VPS26C: variants seen among roughly 807,000 people sequenced by gnomAD.
The protein encoded by VPS26C is vacuolar protein sorting-associated protein 26C.
In VPS26C, 19 loss-of-function variants were observed where a neutral mutation model predicts 30.6. That is an observed-to-expected ratio of 0.62 (90% CI 0.43 to 0.91). VPS26C has a LOEUF of 0.91. Among genes scored for constraint, VPS26C ranks in the 40% least tolerant of loss-of-function variants. The probability of loss-of-function intolerance (pLI) is 0.00; values close to 1 mark genes in which losing one functional copy is unlikely to be tolerated. For missense variants in VPS26C, 318 were observed against 385.1 expected, an observed-to-expected ratio of 0.83 and a Z score of 1.46; for synonymous variants, 132 against 151.5, an observed-to-expected ratio of 0.87 and a Z score of 0.95.
chr21:37,252,083 A>C (rs549465353), intron 1 of VPS26C, among the ~76,000 whole-genome samples: 88 of 152,296 alleles, frequency 5.8e-4, no homozygotes, highest in African/African-American at 2.0e-3. Flanking sequence ...ATTTGGTCTA[A>C]AGATCCGGTA....
intron 5 of VPS26C, chr21:37,231,375 A>C (rs1178274566): frequency 3.3e-5 from 5 of 152,280 alleles, no homozygotes; most frequent in African/African-American, 1.2e-4. Flanking sequence ...GCGCTTCCGA[A>C]GACAGGCTAC....
intron 1 of VPS26C, among the ~76,000 whole-genome samples, chr21:37,265,337 C>T (rs1443430300): frequency 6.6e-6 from 1 of 152,200 alleles, no homozygotes; most frequent in Non-Finnish European, 1.5e-5. Flanking sequence ...ACCCATGTAG[C>T]TTTTAACTTC....
At chr21:37,267,215 C>G in intron 1 of VPS26C, 23 bp downstream of exon 1, 25 of 528,620 alleles carry the variant, frequency 4.7e-5, no homozygotes, top group Non-Finnish European at 9.2e-5. Context: ...CCACCTCCAT[C>G]CCCACCCCCA....
rs976973151 is a variant in VPS26C at position 37,223,455 on chromosome 21, T to C, written c.*2089A>G. On this transcript the variant is annotated 3_prime_UTR_variant, in exon 8 of 8. Coordinates refer to ENST00000309117, the MANE Select transcript of VPS26C (RefSeq NM_006052.2). ...CATAAAATCAGTTTATTAAATTACA[T>C]AGCAATATACATCCCAAACCTTTTC... The C allele has an allele frequency of 1.3e-5, 2 of 152,276 alleles. No individual in the cohort carries two copies. The highest frequency in any genetic ancestry group is 2.9e-5 in the Non-Finnish European group (2 of 68,050). 9.4% of individuals were successfully genotyped at this position (152,276 alleles called of 1,614,324 possible). A position where few individuals can be genotyped will look rare whatever the true frequency, so the allele number is the denominator to read the frequency against.
At chr21:37,261,163 G>A (rs1401133475) in intron 1 of VPS26C, 1 of 152,228 alleles carries the variant, frequency 6.6e-6, no homozygotes, top group Non-Finnish European at 1.5e-5. Context: ...AATGACAGCA[G>A]TATACACAAA....
At position 37,232,279 on chromosome 21, in the gene VPS26C, C is replaced by T. The variant is rs1198554319; in HGVS notation, c.507+98G>A. 33 of 939,992 alleles carry T rather than the reference C, an allele frequency of 3.5e-5. No homozygotes were observed. The Middle Eastern group carries it at 8.4e-4, about 24-fold the overall frequency. 58.2% of individuals were successfully genotyped at this position (939,992 alleles called of 1,614,324 possible). On this transcript the variant is annotated intron_variant, in intron 5 of 7. Coordinates refer to ENST00000309117, the MANE Select transcript of VPS26C (RefSeq NM_006052.2). ...ATCAGAAATCTCTGCCGGCTGATGACGTGATTTCCAAATGAAGACCACCCG... is the reference window on the plus strand; with the variant it reads ...ATCAGAAATCTCTGCCGGCTGATGATGTGATTTCCAAATGAAGACCACCCG...
chr21:37,235,010 A>AT (rs761855279), intron 3 of VPS26C, among the ~76,000 whole-genome samples: 3,920 of 138,766 alleles, frequency 0.028, 67 homozygotes, highest in Middle Eastern at 0.059. Flanking sequence ...TGGCTGGCTA[A>AT]TTTTTTTTTT....
chr21:37,267,324 C>T lies in VPS26C; in HGVS notation c.-30G>A, dbSNP rs528442495. ...AATTCTCCGCAGCAGCCGCCACTTC[C>T]GGCTGCGCGTGACCCCAGGGAAACA... is the stretch of plus-strand genomic sequence containing the variant. On this transcript the variant is annotated 5_prime_UTR_variant, in exon 1 of 8. Transcript: ENST00000309117. 1.9e-6 allele frequency: 3 copies of T among 1,608,060 alleles called. No individual in the cohort carries two copies. The African/African-American group carries it at 4.0e-5, about 21-fold the overall frequency.
At chr21:37,234,313 C>T (rs2148287225) in intron 3 of VPS26C, among the ~76,000 whole-genome samples, 1 of 152,338 alleles carries the variant, frequency 6.6e-6, no homozygotes, top group Middle Eastern at 3.4e-3. Context: ...CGCACTTGCA[C>T]ACTTGCTTTT....
chr21:37,250,474 C>CATATTATTCAAAA, intron 1 of VPS26C, among the ~76,000 whole-genome samples: 1 of 152,182 alleles, frequency 6.6e-6, no homozygotes, highest in East Asian at 1.9e-4. Context: ...CCTCAAAACT[C>CATATTATTCAAAA]TGAATAAATA....
intron 5 of VPS26C, among the ~76,000 whole-genome samples, chr21:37,231,328 C>T (rs575276963): frequency 4.1e-4 from 62 of 152,338 alleles, no homozygotes; most frequent in African/African-American, 1.3e-3. Context: ...GAAGAAGAAA[C>T]GGTGTCTAGA....
upstream of VPS26C, chr21:37,268,012 A>C (rs1802251266): frequency 6.6e-6 from 1 of 152,140 alleles, no homozygotes; most frequent in African/African-American, 2.4e-5. Flanking sequence ...CTCGCGTCCC[A>C]GCGCCAGCTG....
chr21:37,235,877 A>AT (rs1352661229), intron 3 of VPS26C, among the ~76,000 whole-genome samples: 47 of 35,934 alleles, frequency 1.3e-3, no homozygotes, highest in Non-Finnish European at 1.7e-3. Context: ...ATATATATAT[A>AT]TATTTTTTTT....
In VPS26C at chr21:37,235,862, TA is replaced by T. The variant is rs1569233705; in HGVS notation, c.352-2421del. ...GTGTATATGTGTGTGTATATATATA[TA>T]TATATATATATATATATTTTTTTTT... is the stretch of plus-strand genomic sequence containing the variant. On this transcript the variant is annotated intron_variant, in intron 3 of 7. Transcript: ENST00000309117. Among the ~76,000 whole-genome samples, 10 of 101,656 alleles carry T rather than the reference TA, an allele frequency of 9.8e-5. No homozygotes were observed. In the East Asian group the frequency reaches 4.4e-3, roughly 44 times the overall value. 66.7% of individuals were successfully genotyped at this position (101,656 alleles called of 152,430 possible).
At chr21:37,255,355 T>C (rs1308136114) in intron 1 of VPS26C, among the ~76,000 whole-genome samples, 4 of 152,170 alleles carry the variant, frequency 2.6e-5, no homozygotes, top group Non-Finnish European at 5.9e-5. Context: ...AAATCATGCC[T>C]GGCATGTGAC....
chr21:37,225,738 G>A lies in VPS26C; in HGVS notation c.812-112C>T, dbSNP rs966945377. The A allele has an allele frequency of 4.0e-5, 36 of 896,352 alleles. No individual in the cohort carries two copies. In the East Asian group the frequency reaches 7.9e-4, roughly 20 times the overall value. The allele number at this position is 896,352 out of a possible 1,614,324, so 55.5% of individuals were successfully genotyped here. On this transcript the variant is annotated intron_variant, in intron 7 of 7. Coordinates refer to ENST00000309117, the MANE Select transcript of VPS26C (RefSeq NM_006052.2). The stretch of plus-strand genomic sequence containing the variant: ...CTAACGGCGAAGGAGCACCCGGTGC[G>A]GGTGGGTTTCATTGCTGTCCCCTCA...
Position 37,233,349 on chromosome 21 carries a change from G to T in VPS26C, c.432+13C>A, listed in dbSNP as rs1389679561. ...CCTATCATTAAGCACCAGAGTCCCC[G>T]AGTGAAGCTTACAGCGGAGTGAACG... On this transcript the variant is annotated intron_variant, in intron 4 of 7. Transcript: ENST00000309117. The surrounding 1 kb of genome is among the most constrained non-coding windows in gnomAD (Gnocchi z 5.2). The T allele has an allele frequency of 1.2e-6, 2 of 1,611,412 alleles. No individual in the cohort carries two copies. Among genetic ancestry groups the T allele is most frequent in the Non-Finnish European group, 1.7e-6 (2 of 1,177,556 alleles).
At chr21:37,267,448 T>C (rs2086380569), upstream of VPS26C, 11 of 548,590 alleles carry the variant, frequency 2.0e-5, no homozygotes, top group East Asian at 3.1e-5. Context: ...ACTCCCTAGC[T>C]CCGAGGGGCG....
rs2085989831 is a variant in VPS26C at position 37,233,630 on chromosome 21, C to A, written c.352-188G>T. ...GTTAATGTTCAAAATAAAGGCATTT[C>A]TGTTTTAAAAATGAACCACTTTAAG... On this transcript the variant is annotated intron_variant, in intron 3 of 7. Transcript: ENST00000309117. This position sits in a 1 kb window ranked among gnomAD's most constrained non-coding sequence, Gnocchi z 5.2. Among the ~76,000 whole-genome samples the A allele has an allele frequency of 6.6e-6, 1 of 152,172 alleles. No individual in the cohort carries two copies.
Sources: allele counts gnomAD v4.1 joint callset (sites outside exome capture counted in the v4.1 genomes callset), GRCh38; gene constraint gnomAD v4.1.1; non-coding constraint Gnocchi (gnomAD v3.1); transcripts MANE v1.5; gene names NCBI Gene and HGNC (gene_info 2026-07-23, HGNC 2026-07-21).